Variants in FLII observed in about 807,000 individuals in gnomAD.
FLII encodes the protein protein flightless-1 homolog.
A neutral mutation model predicts 156.2 loss-of-function variants in FLII; 101 were observed. The observed-to-expected ratio is 0.65, with a 90% confidence interval of 0.55 to 0.76. The LOEUF (loss-of-function observed/expected upper bound fraction) is 0.76. FLII is among the 30% of genes least tolerant of loss of function. The probability of loss-of-function intolerance (pLI) is 0.00; values close to 1 mark genes in which losing one functional copy is unlikely to be tolerated. For missense variants in FLII, 1,675 were observed against 1,682.8 expected, an observed-to-expected ratio of 1.00 and a Z score of 0.08; for synonymous variants, 767 against 685.8, an observed-to-expected ratio of 1.12 and a Z score of -1.85.
At chr17:18,252,342 GC>G (rs1487896870) in intron 10 of FLII, 129 bp downstream of exon 10, 1 of 942,180 alleles carries the variant, frequency 1.1e-6, no homozygotes, top group African/African-American at 1.6e-5. Flanking sequence ...GGGAGGTGGG[GC>G]CCACCTTCTC....
chr17:18,246,380 C>T lies in FLII; in HGVS notation c.3134G>A (p.Arg1045Lys), dbSNP rs778189993. 3.1e-6 allele frequency: 5 copies of T among 1,613,878 alleles called. No individual in the cohort carries two copies. Among genetic ancestry groups the T allele is most frequent in the African/African-American group, 2.7e-5 (2 of 74,928 alleles). ...KRKFIIHRGK[R>K]KAVQGAQQPS... ...CTGTTGGGCGCCCTGGACCGCCTTC[C>T]TCTTGCCCCGGTGGATGATGAACTT... Residue 1045 changes from arginine to lysine, a missense_variant, in exon 24 of 30, where the codon AGG (arginine) becomes AAG (lysine). Transcript: ENST00000327031.
chr17:18,254,467 G>A (rs574334897), intron 6 of FLII, 54 bp downstream of exon 6: 674 of 1,530,534 alleles, frequency 4.4e-4, no homozygotes, highest in Non-Finnish European at 5.3e-4. Context: ...GAAGGGGCCC[G>A]GCCAGACTCC....
chr17:18,246,764 C>T lies in FLII; in HGVS notation c.2881G>A (p.Gly961Ser), dbSNP rs566163422. The T allele has an allele frequency of 1.2e-6, 2 of 1,613,834 alleles. No homozygotes were observed. The highest frequency in any genetic ancestry group is 1.7e-6 in the Non-Finnish European group (2 of 1,179,946). ...GCGGTTGCTTCCTCGCCTTCTTTGC[C>T]CTCGGCCTTCTCCTCCTTGTCTTCC... ...KKEDKEEKAE[G>S]KEGEEATAEA... The change falls in exon 23 of 30, where the codon GGC becomes AGC. Residue 961 changes from glycine to serine, a missense_variant. Transcript: ENST00000327031.
At chr17:18,251,604 G>C in intron 12 of FLII, 76 bp downstream of exon 12, 1 of 1,601,664 alleles carries the variant, frequency 6.2e-7, no homozygotes, top group Non-Finnish European at 8.5e-7. Flanking sequence ...GTCCCTCTTG[G>C]CCAGGGTCAA....
At position 18,253,673 on chromosome 17, in the gene FLII, C is replaced by CTCGGGCCCG; in HGVS notation, c.725_726insCGGGCCCGA (p.Leu242_Tyr243insGlyProGlu). ...GGCGGCGCAGGCTGGGGAGGGTGTA[C>CTCGGGCCCG]AGACACTCGGGCACCCGTGTCAGGT... On this transcript the variant is annotated inframe_insertion, in exon 8 of 30. Coordinates refer to ENST00000327031, the MANE Select transcript of FLII (RefSeq NM_002018.4). The CTCGGGCCCG allele has an allele frequency of 6.2e-7, 1 of 1,613,612 alleles. No homozygotes were observed. The highest frequency in any genetic ancestry group is 8.5e-7 in the Non-Finnish European group (1 of 1,179,978).
At chr17:18,257,824 C>G (rs1219627568) in intron 1 of FLII, among the ~76,000 whole-genome samples, 1 of 152,200 alleles carries the variant, frequency 6.6e-6, no homozygotes, top group Non-Finnish European at 1.5e-5. Flanking sequence ...CAACCCAGGC[C>G]GACCCTGCCA....
intron 25 of FLII, 22 bp from the exon 26 acceptor site, chr17:18,246,084 G>T (rs897904178): frequency 6.2e-7 from 1 of 1,614,092 alleles, no homozygotes; most frequent in African/African-American, 1.3e-5. Context: ...GCAGGGGTGG[G>T]GGTGTTCGCA....
At chr17:18,245,319 C>T (rs746327361) in intron 29 of FLII, 35 bp downstream of exon 29, 14 of 1,613,836 alleles carry the variant, frequency 8.7e-6, no homozygotes, top group Non-Finnish European at 1.1e-5. Context: ...GCCCTGCCCA[C>T]AGGCCCACCT....
At position 18,244,911 on chromosome 17, in the gene FLII, T is replaced by A; in HGVS notation, c.*227A>T. On this transcript the variant is annotated 3_prime_UTR_variant, in exon 30 of 30. Coordinates refer to ENST00000327031, the MANE Select transcript of FLII (RefSeq NM_002018.4). Reference sequence around the variant, plus strand: ...ATCTGCTTTATCCCTAGCGGAAGAGTGAGGGGGCTTCACACGTGCACTCAC... The same window carrying A: ...ATCTGCTTTATCCCTAGCGGAAGAGAGAGGGGGCTTCACACGTGCACTCAC... The A allele has an allele frequency of 1.8e-6, 1 of 546,138 alleles. No individual in the cohort carries two copies. Among genetic ancestry groups the A allele is most frequent in the Non-Finnish European group, 3.2e-6 (1 of 307,868 alleles). 33.8% of individuals were successfully genotyped at this position (546,138 alleles called of 1,614,324 possible). A position where few individuals can be genotyped will look rare whatever the true frequency, so the allele number is the denominator to read the frequency against.
At position 18,245,657 on chromosome 17, in the gene FLII, G is replaced by T; in HGVS notation, c.3507C>A (p.Cys1169Ter). The change falls in exon 28 of 30, where the codon TGC becomes TGA. Residue 1169 changes from cysteine to a stop codon, truncating the protein, a stop_gained. Transcript: ENST00000327031. LOFTEE classifies it high-confidence loss of function. ...CTGCAAAGTAGCCCTTCTCGTTGGA[G>T]CACCTGGGAATCAAGGGTCAAGGTG... ...EYMKHTRLFRCSNEKGYFAVT... is the reference protein window; with the variant it reads ...EYMKHTRLFR 1 of 1,613,682 alleles carries T rather than the reference G, an allele frequency of 6.2e-7. No homozygotes were observed. The highest frequency in any genetic ancestry group is 8.5e-7 in the Non-Finnish European group (1 of 1,179,918).
At chr17:18,251,963 A>G (rs368524560) in intron 11 of FLII, 36 bp downstream of exon 11, 26 of 1,605,814 alleles carry the variant, frequency 1.6e-5, no homozygotes, top group African/African-American at 1.6e-4. Context: ...CCTGGAGAGG[A>G]GCCCCCGTTC....
intron 4 of FLII, 77 bp from the exon 5 acceptor site, chr17:18,254,931 G>C: frequency 6.9e-7 from 1 of 1,458,250 alleles, no homozygotes; most frequent in East Asian, 2.3e-5. Flanking sequence ...GGATCAGGCA[G>C]GGCACTGAGT....
rs559248106 is a variant in FLII at position 18,246,718 on chromosome 17, G to A, written c.2927C>T (p.Pro976Leu). ...CACGATGCACTGGAAGTCCTCCTCT[G>A]GCTGCTTCTCCTCTGCCTCAGCGGT... ...EATAEAEEKQ[P>L]EEDFQCIVYF... Residue 976 changes from proline to leucine, a missense_variant, in exon 23 of 30, where the codon CCA becomes CTA. Physicochemically the swap from Pro to Leu is moderately conservative, Grantham distance 98. Coordinates refer to ENST00000327031, the MANE Select transcript of FLII (RefSeq NM_002018.4). 22 of 1,613,368 alleles carry A rather than the reference G, an allele frequency of 1.4e-5. No individual in the cohort carries two copies. The highest frequency in any genetic ancestry group is 1.9e-5 in the Non-Finnish European group (22 of 1,179,694).
Position 18,246,340 on chromosome 17 carries a change from C to T in FLII, c.3174G>A (p.Gln1058=). The change falls in exon 24 of 30, where the codon CAG becomes CAA. Residue 1058 remains glutamine (Q), a synonymous_variant. Transcript: ENST00000327031. ...VQGAQQPSLY[Q]IRTNGSALCT... is the part of the protein sequence containing the mutation. ...AGAGGGCGCTGCCGTTGGTGCGGAT[C>T]TGGTAGAGGCTGGGCTGTTGGGCGC... is the stretch of plus-strand genomic sequence containing the variant. The T allele has an allele frequency of 1.2e-6, 2 of 1,613,898 alleles. No homozygotes were observed. Among genetic ancestry groups the T allele is most frequent in the Non-Finnish European group, 8.5e-7 (1 of 1,180,014 alleles).
chr17:18,245,443 CG>C, intron 28 of FLII, 24 bp from the exon 29 acceptor site: 3 of 1,613,622 alleles, frequency 1.9e-6, no homozygotes, highest in Non-Finnish European at 2.5e-6. Flanking sequence ...AGGGGAGATA[CG>C]GTTGCATGGG....
chr17:18,256,790 C>T, intron 2 of FLII, 119 bp downstream of exon 2: 2 of 802,582 alleles, frequency 2.5e-6, no homozygotes, highest in Non-Finnish European at 2.0e-6. Flanking sequence ...CCCTTTCTTC[C>T]AGCTCTGCTC....
chr17:18,254,451 G>A lies in FLII; in HGVS notation c.575+70C>T, dbSNP rs1241281074. 21 of 1,462,316 alleles carry A rather than the reference G, an allele frequency of 1.4e-5. 1 individual carries two copies. The highest frequency in any genetic ancestry group is 4.6e-4 in the Middle Eastern group (2 of 4,370). 90.6% of individuals were successfully genotyped at this position (1,462,316 alleles called of 1,614,324 possible). On this transcript the variant is annotated intron_variant, in intron 6 of 29. Coordinates refer to ENST00000327031, the MANE Select transcript of FLII (RefSeq NM_002018.4). ...CTAAGGGAGAAGGGTTAGGGCCCTG[G>A]GAAGTGAAGGGGCCCGGCCAGACTC... is the stretch of plus-strand genomic sequence containing the variant.
chr17:18,258,488 G>T lies in FLII; in HGVS notation c.63+140C>A. 1 of 1,506,504 alleles carries T rather than the reference G, an allele frequency of 6.6e-7. No individual in the cohort carries two copies. Among genetic ancestry groups the T allele is most frequent in the Non-Finnish European group, 8.8e-7 (1 of 1,134,154 alleles). 93.3% of individuals were successfully genotyped at this position (1,506,504 alleles called of 1,614,324 possible). Reference sequence around the variant, plus strand: ...CCTCGGAGGTCCATTCCTGGCCAGGGGAGAGCCCCACCCCGCCCCGGCCGC... The same window carrying T: ...CCTCGGAGGTCCATTCCTGGCCAGGTGAGAGCCCCACCCCGCCCCGGCCGC... On this transcript the variant is annotated intron_variant, in intron 1 of 29. Coordinates refer to ENST00000327031, the MANE Select transcript of FLII (RefSeq NM_002018.4). The surrounding 1 kb of genome is among the most constrained non-coding windows in gnomAD (Gnocchi z 4.2).
chr17:18,254,031 G>T, intron 7 of FLII, 48 bp downstream of exon 7: 1 of 1,431,940 alleles, frequency 7.0e-7, no homozygotes, highest in African/African-American at 1.4e-5. Flanking sequence ...GGAAGCAAGA[G>T]GGCCCAGAGG....
Sources: gnomAD v4.1 joint callset for allele counts (sites outside exome capture counted in the v4.1 genomes callset) on GRCh38, gnomAD v4.1.1 for gene constraint, Gnocchi (gnomAD v3.1) non-coding constraint, MANE v1.5 for transcripts, NCBI Gene and HGNC (gene_info 2026-07-23, HGNC 2026-07-21) for gene names.